The following KCNK13 variants were observed in gnomAD, a reference collection of about 807,000 sequenced individuals.
KCNK13 encodes the protein potassium two pore domain channel subfamily K member 13.
A neutral mutation model predicts 23.4 loss-of-function variants in KCNK13; 12 were observed. The observed-to-expected ratio is 0.51, with a 90% CI of 0.33 to 0.83. The LOEUF is 0.83. Ranked by LOEUF, KCNK13 falls within the 40% of genes least tolerant of loss-of-function variation. The pLI, the probability that KCNK13 is intolerant of heterozygous loss-of-function variation, is 0.02. For synonymous variants in KCNK13, 231 were observed against 229.5 expected (o/e 1.01, Z -0.06); for missense variants, 463 against 556.3 (o/e 0.83, Z 1.69).
intron 1 of KCNK13, among the ~76,000 whole-genome samples, chr14:90,099,734 TAAAC>T (rs905524267): frequency 6.6e-6 from 1 of 152,200 alleles, no homozygotes; most frequent in African/African-American, 2.4e-5. Context: ...ACACAGCAGA[TAAAC>T]AGACAGACAA....
At chr14:90,094,389 G>T (rs1889383329) in intron 1 of KCNK13, among the ~76,000 whole-genome samples, 1 of 152,162 alleles carries the variant, frequency 6.6e-6, no homozygotes, top group Admixed American at 6.5e-5. Context: ...CGAAGGGCTT[G>T]GTTTTCATAA....
intron 1 of KCNK13, among the ~76,000 whole-genome samples, chr14:90,120,318 A>G (rs976666949): frequency 2.6e-5 from 4 of 152,224 alleles, no homozygotes; most frequent in Non-Finnish European, 5.9e-5. Flanking sequence ...AGTGAGGATG[A>G]CCAAGTCTCC....
chr14:90,096,071 C>T (rs1889406732), intron 1 of KCNK13, among the ~76,000 whole-genome samples: 1 of 152,202 alleles, frequency 6.6e-6, no homozygotes, highest in Non-Finnish European at 1.5e-5. Flanking sequence ...TCCAGACCCT[C>T]TCCAGGGTGA....
intron 1 of KCNK13, among the ~76,000 whole-genome samples, chr14:90,143,722 A>G (rs925264279): frequency 6.6e-6 from 1 of 152,212 alleles, no homozygotes. Context: ...TGGGGCTGCT[A>G]TGTGCATGGA....
rs763332574 is a variant in KCNK13, at chr14:90,062,256, C to G, written c.51C>G (p.Asn17Lys). 64 of 1,543,622 alleles carry G rather than the reference C, an allele frequency of 4.1e-5. No individual in the cohort carries two copies. Among genetic ancestry groups the G allele is most frequent in the Admixed American group, 9.1e-5 (5 of 55,086 alleles). The change falls in exon 1 of 2, where the codon AAC becomes AAG. Residue 17 changes from asparagine to lysine, a missense_variant. This residue lies in a region of KCNK13 where 153 missense variants were observed against 153.6 expected (regional missense o/e 1.00). Coordinates refer to ENST00000282146, the MANE Select transcript of KCNK13 (RefSeq NM_022054.4). The surrounding 1 kb of genome is among the most constrained non-coding windows in gnomAD (Gnocchi z 4.5). ...GCCCGGGCCACCTGAACGAGGACAACGCGCGCTTTCTGCTGCTGGCCGCGC... is the reference window on the plus strand; with the variant it reads ...GCCCGGGCCACCTGAACGAGGACAAGGCGCGCTTTCTGCTGCTGGCCGCGC... ...SWGPGHLNED[N>K]ARFLLLAALI...
At chr14:90,092,358 T>C (rs1272506042) in intron 1 of KCNK13, among the ~76,000 whole-genome samples, 1 of 152,150 alleles carries the variant, frequency 6.6e-6, no homozygotes, top group African/African-American at 2.4e-5. Flanking sequence ...TCTGTGCAGG[T>C]TTTTCTTTCT....
chr14:90,185,549 G>C lies in KCNK13; in HGVS notation c.*546G>C, dbSNP rs1393491076. 3 of 152,234 alleles carry C rather than the reference G, an allele frequency of 2.0e-5. No homozygotes were observed. The highest frequency in any genetic ancestry group is 2.9e-5 in the Non-Finnish European group (2 of 68,072). 9.4% of individuals were successfully genotyped at this position (152,234 alleles called of 1,614,324 possible). On this transcript the variant is annotated 3_prime_UTR_variant, in exon 2 of 2. Transcript: ENST00000282146. ...AATGTCTGTTGTACTCTTTATACCT[G>C]TTTCTGTTTTTTGTTGTCCCTTTCT...
At chr14:90,076,396 A>C (rs1369173396) in intron 1 of KCNK13, among the ~76,000 whole-genome samples, 3 of 152,212 alleles carry the variant, frequency 2.0e-5, no homozygotes, top group Admixed American at 2.0e-4. Flanking sequence ...TAAAACAGAA[A>C]TTGTAAGCAC....
At chr14:90,145,234 A>G (rs1278597710) in intron 1 of KCNK13, among the ~76,000 whole-genome samples, 1 of 152,044 alleles carries the variant, frequency 6.6e-6, no homozygotes, top group Non-Finnish European at 1.5e-5. Flanking sequence ...ATGGCAAAAA[A>G]TACAAAAAAT....
intron 1 of KCNK13, among the ~76,000 whole-genome samples, chr14:90,094,645 CTTTTTTTTTTTTTTT>C (rs778654067): frequency 1.8e-5 from 2 of 111,650 alleles, no homozygotes; most frequent in Non-Finnish European, 3.6e-5. Flanking sequence ...TCTTTTTTTT[CTTTTTTTTTTTTTTT>C]TTTTTTTGAG....
intron 1 of KCNK13, among the ~76,000 whole-genome samples, chr14:90,120,924 C>T (rs560592298): frequency 1.4e-5 from 2 of 144,100 alleles, no homozygotes; most frequent in African/African-American, 5.1e-5. Context: ...AAGTTAGTTA[C>T]TTCCTAGATA....
At chr14:90,165,980 A>G (rs976348256) in intron 1 of KCNK13, among the ~76,000 whole-genome samples, 2 of 152,248 alleles carry the variant, frequency 1.3e-5, no homozygotes. Context: ...GAGTGCAAGA[A>G]CTACTGTGAT....
chr14:90,114,092 A>G (rs564544091), intron 1 of KCNK13, among the ~76,000 whole-genome samples: 20 of 152,340 alleles, frequency 1.3e-4, no homozygotes, highest in African/African-American at 4.8e-4. Context: ...AGCAAACTCA[A>G]ATTTTCGTTG....
Position 90,146,787 on chromosome 14 carries a change from A to G in KCNK13, c.335-37324A>G, listed in dbSNP as rs1037340411. 5.9e-5 allele frequency among the ~76,000 whole-genome samples: 9 copies of G among 151,832 alleles called. No homozygotes were observed. The South Asian group carries it at 1.9e-3, about 32-fold the overall frequency. The stretch of plus-strand genomic sequence containing the variant: ...TACACTTAATATGTTTATTGGTATG[A>G]TTGTGTTTAAATATACCATTTTTTA... On this transcript the variant is annotated intron_variant, in intron 1 of 1. Coordinates refer to ENST00000282146, the MANE Select transcript of KCNK13 (RefSeq NM_022054.4).
chr14:90,170,845 G>A (rs995127815), intron 1 of KCNK13, among the ~76,000 whole-genome samples: 2 of 152,150 alleles, frequency 1.3e-5, no homozygotes, highest in Non-Finnish European at 1.5e-5. Context: ...GTTGGACAGG[G>A]CTGACTGCAC....
chr14:90,098,187 G>A (rs567550880), intron 1 of KCNK13, among the ~76,000 whole-genome samples: 1 of 152,252 alleles, frequency 6.6e-6, no homozygotes, highest in Admixed American at 6.5e-5. Context: ...CAAGTACCAC[G>A]GGGGCCACAC....
At chr14:90,135,297 C>A (rs541392492) in intron 1 of KCNK13, among the ~76,000 whole-genome samples, 1 of 152,152 alleles carries the variant, frequency 6.6e-6, no homozygotes, top group Non-Finnish European at 1.5e-5. Flanking sequence ...TGCCGTCAAG[C>A]GTCTCCTTGG....
intron 1 of KCNK13, among the ~76,000 whole-genome samples, chr14:90,105,722 C>T (rs1889536547): frequency 6.6e-6 from 1 of 152,026 alleles, no homozygotes; most frequent in Non-Finnish European, 1.5e-5. Context: ...CAAGGACAGG[C>T]AGCAATTTGT....
intron 1 of KCNK13, among the ~76,000 whole-genome samples, chr14:90,139,596 A>G (rs1889979479): frequency 6.6e-6 from 1 of 152,196 alleles, no homozygotes; most frequent in Non-Finnish European, 1.5e-5. Context: ...TCACTCTCAT[A>G]ATGAAACATT....
Sources: gnomAD v4.1 joint callset for allele counts (sites outside exome capture counted in the v4.1 genomes callset) on GRCh38, gnomAD v4.1.1 for gene constraint, gnomAD v4.1.1 regional missense constraint, Gnocchi (gnomAD v3.1) non-coding constraint, MANE v1.5 for transcripts, NCBI Gene and HGNC (gene_info 2026-07-23, HGNC 2026-07-21) for gene names.